The following CNTRL variants were observed in gnomAD, a reference collection of about 807,000 sequenced individuals.
CNTRL encodes the protein 110 kDa centrosomal protein.
CNTRL carries 233 observed loss-of-function variants against 303.7 expected under a neutral mutation model. The observed-to-expected ratio is 0.77, with a 90% confidence interval of 0.69 to 0.86. The LOEUF is 0.86. Ranked by LOEUF, CNTRL falls within the 40% of genes least tolerant of loss-of-function variation. The pLI is 0.00. For missense variants in CNTRL, 2,524 were observed against 2,650.6 expected (o/e 0.95, Z 1.05); for synonymous variants, 900 against 922.2 (o/e 0.98, Z 0.44).
Position 121,138,526 on chromosome 9 carries a change from T to G in CNTRL, c.2203-19T>G, listed in dbSNP as rs771031668. ...ATTGCTGTTTTACACTTTCATGTCA[T>G]TGCTTCCTATGGTGACAGTTAGAAC... is the stretch of plus-strand genomic sequence containing the variant. On this transcript the variant is annotated intron_variant, in intron 15 of 43. Transcript: ENST00000373855. The G allele has an allele frequency of 3.1e-6, 5 of 1,606,816 alleles. No homozygotes were observed. The highest frequency in any genetic ancestry group is 4.3e-6 in the Non-Finnish European group (5 of 1,176,318).
chr9:121,151,384 C>CTTTTTTTTTTTTT lies in CNTRL; in HGVS notation c.3963+903_3963+904insTTTTTTTTTTTTT, dbSNP rs200247383. Among the ~76,000 whole-genome samples the CTTTTTTTTTTTTT allele has an allele frequency of 4.2e-4, 38 of 91,502 alleles. 2 individuals are homozygous for CTTTTTTTTTTTTT. Among genetic ancestry groups the CTTTTTTTTTTTTT allele is most frequent in the African/African-American group, 5.1e-4 (15 of 29,312 alleles). The allele number at this position is 91,502 out of a possible 152,430, so 60.0% of individuals were successfully genotyped here. On this transcript the variant is annotated intron_variant, in intron 25 of 43. Transcript: ENST00000373855. ...GATTACTTCCTTTTTCTTTTTTCTT[C>CTTTTTTTTTTTTT]TTCTTTTTTTTTTTTTTTTTTTTTG...
At chr9:121,083,579 C>T (rs2048231341) in intron 2 of CNTRL, among the ~76,000 whole-genome samples, 1 of 152,106 alleles carries the variant, frequency 6.6e-6, no homozygotes, top group Admixed American at 6.5e-5. Context: ...AAGGACCTAC[C>T]TGCCTGAGTC....
chr9:121,143,942 G>T lies in CNTRL; in HGVS notation c.2911G>T (p.Gly971Cys), dbSNP rs773131553. 1.2e-6 allele frequency: 2 copies of T among 1,606,770 alleles called. No individual in the cohort carries two copies. Among genetic ancestry groups the T allele is most frequent in the South Asian group, 1.1e-5 (1 of 89,752 alleles). The change falls in exon 20 of 44, where the codon GGT (glycine) becomes TGT (cysteine). Residue 971 changes from glycine (G) to cysteine (C), a missense_variant. Coordinates refer to ENST00000373855, the MANE Select transcript of CNTRL (RefSeq NM_007018.6). ...EDAKSQEQVF[G>C]LDKELKKLKK... ...TGCCAAATCTCAGGAGCAAGTTTTT[G>T]GTTTAGATAAAGAACTGAAGAAACT...
chr9:121,104,058 A>G (rs541697917), intron 7 of CNTRL, among the ~76,000 whole-genome samples: 23 of 152,358 alleles, frequency 1.5e-4, no homozygotes, highest in Non-Finnish European at 2.4e-4. Flanking sequence ...TCATGCCACT[A>G]TAAAGACACA....
At position 121,094,970 on chromosome 9, in the gene CNTRL, A is replaced by T. The variant is rs2048827082; in HGVS notation, c.431A>T (p.Asp144Val). ...CTAATAGGGAAGATTGAAAAGTTGG[A>T]CAAGCTGTTAAAATTACGTGAACTC... is the stretch of plus-strand genomic sequence containing the variant. ...YNLIGKIEKL[D>V]KLLKLRELNL... Residue 144 changes from aspartate to valine, a missense_variant, in exon 5 of 44, where the codon GAC becomes GTC. By Grantham distance (152) the Asp-to-Val change is radical. Transcript: ENST00000373855. The T allele has an allele frequency of 6.2e-7, 1 of 1,607,974 alleles. No individual in the cohort carries two copies. The highest frequency in any genetic ancestry group is 8.5e-7 in the Non-Finnish European group (1 of 1,176,538).
At chr9:121,137,746 A>C (rs1371642908) in intron 15 of CNTRL, among the ~76,000 whole-genome samples, 1 of 150,732 alleles carries the variant, frequency 6.6e-6, no homozygotes. Flanking sequence ...TAATAAATAA[A>C]ATTTCTAGAT....
At chr9:121,141,307 A>C in intron 17 of CNTRL, 74 bp from the exon 18 acceptor site, 3 of 1,192,610 alleles carry the variant, frequency 2.5e-6, no homozygotes, top group Non-Finnish European at 3.7e-6. Context: ...CTGGAGCTAA[A>C]GTTAATAGCA....
chr9:121,117,415 TA>T (rs1455718021), intron 11 of CNTRL, among the ~76,000 whole-genome samples: 1 of 152,192 alleles, frequency 6.6e-6, no homozygotes, highest in African/African-American at 2.4e-5. Flanking sequence ...ATCTCTATGC[TA>T]AAAACTGTTA....
At chr9:121,166,460 T>G (rs968485020) in intron 36 of CNTRL, among the ~76,000 whole-genome samples, 3 of 152,152 alleles carry the variant, frequency 2.0e-5, no homozygotes, top group Admixed American at 2.0e-4. Context: ...TCAGCAGCCC[T>G]TCTTGGGGTT....
chr9:121,168,076 C>A lies in CNTRL; in HGVS notation c.5845-20C>A. ...CACTATTTGTTGTTTAATGACTAAT[C>A]AAGATTATTCTTTATTAAGATGTTT... On this transcript the variant is annotated intron_variant, in intron 37 of 43. Coordinates refer to ENST00000373855, the MANE Select transcript of CNTRL (RefSeq NM_007018.6). 1 of 1,582,182 alleles carries A rather than the reference C, an allele frequency of 6.3e-7. No homozygotes were observed. The highest frequency in any genetic ancestry group is 1.1e-5 in the South Asian group (1 of 90,022).
chr9:121,104,130 G>A (rs57549251), intron 7 of CNTRL, among the ~76,000 whole-genome samples: 408 of 152,314 alleles, frequency 2.7e-3, no homozygotes, highest in African/African-American at 8.6e-3. Context: ...CAACCTGAAT[G>A]TCCATCAATG....
intron 26 of CNTRL, among the ~76,000 whole-genome samples, chr9:121,153,322 C>T (rs538508945): frequency 2.2e-4 from 34 of 152,256 alleles, no homozygotes; most frequent in Admixed American, 7.2e-4. Flanking sequence ...GAAATCCACC[C>T]GTCTTTTTCT....
Position 121,160,310 on chromosome 9 carries a change from T to C in CNTRL, c.5089+8T>C. ...TGTCTAAACATAAAACCGGTAAGTT[T>C]AAAGGAAAACAATCATACAAAGTTT... is the stretch of plus-strand genomic sequence containing the variant. On this transcript the variant is annotated splice_region_variant and intron_variant, in intron 32 of 43. Transcript: ENST00000373855. 1 of 1,476,394 alleles carries C rather than the reference T, an allele frequency of 6.8e-7. No individual in the cohort carries two copies. The highest frequency in any genetic ancestry group is 9.0e-7 in the Non-Finnish European group (1 of 1,116,116). 91.5% of individuals were successfully genotyped at this position (1,476,394 alleles called of 1,614,324 possible).
chr9:121,135,333 T>C (rs1324211541), intron 14 of CNTRL, among the ~76,000 whole-genome samples: 1 of 152,220 alleles, frequency 6.6e-6, no homozygotes, highest in Non-Finnish European at 1.5e-5. Context: ...ACTATCCTTT[T>C]TCTAGCTACA....
rs79404262 is a variant in CNTRL, at chr9:121,106,373, G to A, written c.809-1429G>A. Among the ~76,000 whole-genome samples, 48 of 150,554 alleles carry A rather than the reference G, an allele frequency of 3.2e-4. 2 individuals are homozygous for A. In the East Asian group the frequency reaches 9.3e-3, roughly 29 times the overall value. The stretch of plus-strand genomic sequence containing the variant: ...AAAAAAAACCTAAAAGCAAAGTGGA[G>A]AAACAAGACATGGCTCAATTCTTTT... On this transcript the variant is annotated intron_variant, in intron 7 of 43. Transcript: ENST00000373855.
chr9:121,150,663 A>C (rs2052179837), intron 25 of CNTRL, 180 bp downstream of exon 25: 4 of 631,730 alleles, frequency 6.3e-6, no homozygotes, highest in Non-Finnish European at 1.1e-5. Context: ...AAGCAGTGGC[A>C]TGTGCCTATA....
At chr9:121,082,230 G>A (rs372522166) in intron 2 of CNTRL, among the ~76,000 whole-genome samples, 5 of 152,258 alleles carry the variant, frequency 3.3e-5, no homozygotes, top group African/African-American at 9.6e-5. Flanking sequence ...GGGAAGTGAG[G>A]TACAGAAATA....
intron 14 of CNTRL, among the ~76,000 whole-genome samples, chr9:121,130,055 T>C (rs986481178): frequency 3.9e-5 from 6 of 152,244 alleles, no homozygotes; most frequent in Non-Finnish European, 8.8e-5. Context: ...ATTGAGGATT[T>C]TCACATCGAT....
intron 25 of CNTRL, among the ~76,000 whole-genome samples, chr9:121,151,384 C>CTTTTTTTTTTTTTTTTTTTTTTTTTT (rs200247383): frequency 5.5e-5 from 5 of 91,516 alleles, no homozygotes; most frequent in East Asian, 4.5e-4. Context: ...CTTTTTTCTT[C>CTTTTTTTTTTTTTTTTTTTTTTTTTT]TTCTTTTTTT....
Sources: gnomAD v4.1 joint callset for allele counts (sites outside exome capture counted in the v4.1 genomes callset) on GRCh38, gnomAD v4.1.1 for gene constraint, MANE v1.5 for transcripts, NCBI Gene and HGNC (gene_info 2026-07-23, HGNC 2026-07-21) for gene names.